The following IMMP2L variants were observed in gnomAD, a reference collection of about 807,000 sequenced individuals.
IMMP2L encodes mitochondrial inner membrane protease subunit 2.
In IMMP2L, 18 loss-of-function variants were observed where a neutral mutation model predicts 19.3. The ratio of observed to expected loss-of-function variants is 0.93; its 90% CI spans 0.64 to 1.38. The LOEUF (loss-of-function observed/expected upper bound fraction) is 1.38, where lower values mean the gene tolerates loss of function less well. IMMP2L is among the 40% of genes most tolerant of loss of function. IMMP2L has a pLI of 0.00. For synonymous variants in IMMP2L, 76 were observed against 73.0 expected (o/e 1.04, Z -0.21); for missense variants, 233 against 218.2 (o/e 1.07, Z -0.43).
At chr7:110,794,528 T>C (rs574350863) in intron 5 of IMMP2L, among the ~76,000 whole-genome samples, 1 of 152,250 alleles carries the variant, frequency 6.6e-6, no homozygotes, top group Admixed American at 6.5e-5. Flanking sequence ...CAAATGGTAC[T>C]TAAATGCGAT....
At chr7:110,791,937 G>T (rs1442471424) in intron 5 of IMMP2L, among the ~76,000 whole-genome samples, 4 of 151,804 alleles carry the variant, frequency 2.6e-5, no homozygotes, top group Admixed American at 1.3e-4. Context: ...TCCTCACATG[G>T]TTTTCCCTCC....
Position 110,937,224 on chromosome 7 carries a change from C to T in IMMP2L, c.305+26276G>A, listed in dbSNP as rs10238903. 9.7e-3 allele frequency among the ~76,000 whole-genome samples: 1,482 copies of T among 152,040 alleles called. 21 individuals carry two copies. The highest frequency in any genetic ancestry group is 0.033 in the African/African-American group (1,367 of 41,484). On this transcript the variant is annotated intron_variant, in intron 4 of 5. Coordinates refer to ENST00000405709, the MANE Select transcript of IMMP2L (RefSeq NM_032549.4). Reference sequence around the variant, plus strand: ...AATAGAAAAAGAAAAGAAAACATTACGCTAAGTGAAAAAAGCCAAAAATAA... The same window carrying T: ...AATAGAAAAAGAAAAGAAAACATTATGCTAAGTGAAAAAAGCCAAAAATAA...
intron 4 of IMMP2L, among the ~76,000 whole-genome samples, chr7:110,918,959 CCAGAGACATA>C (rs1175298610): frequency 6.6e-6 from 1 of 152,080 alleles, no homozygotes; most frequent in Non-Finnish European, 1.5e-5. Context: ...TTCATCTTTG[CCAGAGACATA>C]CACAAACCCC....
chr7:111,264,610 CAG>C (rs1817647317), intron 3 of IMMP2L, among the ~76,000 whole-genome samples: 1 of 151,448 alleles, frequency 6.6e-6, no homozygotes, highest in African/African-American at 2.4e-5. Flanking sequence ...AAAGCAGAAA[CAG>C]AGAAGACCAG....
intron 2 of IMMP2L, among the ~76,000 whole-genome samples, chr7:111,502,251 A>G (rs1265844521): frequency 6.6e-6 from 1 of 152,178 alleles, no homozygotes; most frequent in Non-Finnish European, 1.5e-5. Flanking sequence ...AAAGGGATCA[A>G]TTCAACAAGA....
At chr7:111,086,425 A>T (rs750490126) in intron 3 of IMMP2L, among the ~76,000 whole-genome samples, 4 of 149,884 alleles carry the variant, frequency 2.7e-5, no homozygotes, top group Non-Finnish European at 5.9e-5. Flanking sequence ...CCTGGGCAAC[A>T]GAGCAAAAAC....
At chr7:110,827,439 T>C (rs1803598849) in intron 5 of IMMP2L, among the ~76,000 whole-genome samples, 1 of 152,152 alleles carries the variant, frequency 6.6e-6, no homozygotes, top group Non-Finnish European at 1.5e-5. Flanking sequence ...CCTTCACTCA[T>C]CAAGCATTAG....
intron 3 of IMMP2L, among the ~76,000 whole-genome samples, chr7:111,162,375 C>T (rs543777794): frequency 1.3e-5 from 2 of 151,924 alleles, no homozygotes; most frequent in African/African-American, 4.8e-5. Context: ...CAGGTAAACA[C>T]GCGCTCTTAG....
chr7:110,999,828 C>T lies in IMMP2L; in HGVS notation c.240-36263G>A, dbSNP rs180876831. ...TGAGAAAGAAGGACTTATTCCTCAC[C>T]GAGTCTTTTCCTTGAGTGGGAATTT... On this transcript the variant is annotated intron_variant, in intron 3 of 5. Coordinates refer to ENST00000405709, the MANE Select transcript of IMMP2L (RefSeq NM_032549.4). Among the ~76,000 whole-genome samples, 128 of 152,134 alleles carry T rather than the reference C, an allele frequency of 8.4e-4. 1 individual carries two copies. Among genetic ancestry groups the T allele is most frequent in the Non-Finnish European group, 1.5e-3 (103 of 67,982 alleles).
At chr7:111,315,396 G>A (rs572017163) in intron 3 of IMMP2L, among the ~76,000 whole-genome samples, 147 of 151,564 alleles carry the variant, frequency 9.7e-4, no homozygotes, top group African/African-American at 3.4e-3. Flanking sequence ...GAATCCTTCA[G>A]TAGCCTATGA....
chr7:111,117,768 AT>A (rs1215436171), intron 3 of IMMP2L, among the ~76,000 whole-genome samples: 2 of 152,028 alleles, frequency 1.3e-5, no homozygotes, highest in Non-Finnish European at 2.9e-5. Flanking sequence ...TTAGCCAGCA[AT>A]TTGCTATAGA....
At chr7:110,891,245 A>G (rs1416301988) in intron 4 of IMMP2L, among the ~76,000 whole-genome samples, 2 of 152,022 alleles carry the variant, frequency 1.3e-5, no homozygotes, top group South Asian at 2.1e-4. Context: ...CCAGAAAAAA[A>G]AAAAAAAAAT....
In IMMP2L at chr7:110,886,725, A is replaced by G. The variant is rs201555668; in HGVS notation, c.306-30T>C. ...AAATAAACAGTGTAACCACTGAGAT[A>G]TGAGTAGAAAAGAGATCAAACTGCT... On this transcript the variant is annotated intron_variant, in intron 4 of 5. Transcript: ENST00000405709. The G allele has an allele frequency of 9.2e-6, 10 of 1,087,842 alleles. No homozygotes were observed. In the Admixed American group the frequency reaches 1.4e-4, roughly 15 times the overall value. The allele number at this position is 1,087,842 out of a possible 1,614,324, so 67.4% of individuals were successfully genotyped here. A position where few individuals can be genotyped will look rare whatever the true frequency, so the allele number is the denominator to read the frequency against.
intron 4 of IMMP2L, among the ~76,000 whole-genome samples, chr7:110,902,931 C>CAAAA (rs752631512): frequency 1.2e-4 from 1 of 8,586 alleles, no homozygotes; most frequent in Non-Finnish European, 2.0e-4. Context: ...GACTCCGTCT[C>CAAAA]AAAAAAAAAA....
intron 4 of IMMP2L, among the ~76,000 whole-genome samples, chr7:110,904,998 G>A (rs1812302197): frequency 6.6e-6 from 1 of 152,056 alleles, no homozygotes. Context: ...ATACCACTTT[G>A]ATCAGATAAA....
intron 5 of IMMP2L, among the ~76,000 whole-genome samples, chr7:110,779,392 G>A (rs1034899009): frequency 6.6e-6 from 1 of 151,862 alleles, no homozygotes; most frequent in African/African-American, 2.4e-5. Context: ...ACCAATGGAG[G>A]CAAAGCAAAT....
chr7:110,780,861 G>A (rs766719759), intron 5 of IMMP2L, among the ~76,000 whole-genome samples: 1 of 151,850 alleles, frequency 6.6e-6, no homozygotes, highest in Non-Finnish European at 1.5e-5. Flanking sequence ...CAGAGTGCCT[G>A]TCTCATTATT....
chr7:111,467,731 T>C (rs1028948315), intron 3 of IMMP2L, among the ~76,000 whole-genome samples: 1 of 152,310 alleles, frequency 6.6e-6, no homozygotes, highest in East Asian at 1.9e-4. Context: ...TTATGACCTC[T>C]AGTATTCTTT....
At chr7:110,806,974 ATTACC>A (rs1350652760) in intron 5 of IMMP2L, among the ~76,000 whole-genome samples, 1 of 151,934 alleles carries the variant, frequency 6.6e-6, no homozygotes, top group Non-Finnish European at 1.5e-5. Context: ...ATCCTTTAAT[ATTACC>A]TTTGTATATG....
Sources: allele counts gnomAD v4.1 joint callset (sites outside exome capture counted in the v4.1 genomes callset), GRCh38; gene constraint gnomAD v4.1.1; transcripts MANE v1.5; gene names NCBI Gene and HGNC (gene_info 2026-07-23, HGNC 2026-07-21).